Variants in VEPH1 observed in about 807,000 individuals in gnomAD.
VEPH1 encodes ventricular zone expressed PH domain containing 1.
Under a neutral mutation model 85.2 loss-of-function variants are expected in VEPH1, and 80 were observed. The ratio of observed to expected loss-of-function variants is 0.94; its 90% CI spans 0.78 to 1.13. The LOEUF is 1.13. Ranked by LOEUF, VEPH1 falls within the 50% of genes most tolerant of loss-of-function variation. VEPH1 has a pLI of 0.00. For synonymous variants in VEPH1, 297 were observed against 348.0 expected (o/e 0.85, Z 1.63); for missense variants, 955 against 980.5 (o/e 0.97, Z 0.35).
intron 13 of VEPH1, among the ~76,000 whole-genome samples, chr3:157,264,306 T>C (rs1268077732): frequency 1.3e-5 from 2 of 151,928 alleles, no homozygotes; most frequent in Non-Finnish European, 2.9e-5. Context: ...AGTTATATCA[T>C]TGACTCCCTT....
At chr3:157,312,566 G>A (rs1311432717) in intron 11 of VEPH1, among the ~76,000 whole-genome samples, 1 of 152,152 alleles carries the variant, frequency 6.6e-6, no homozygotes, top group African/African-American at 2.4e-5. Flanking sequence ...TGCTCCATCA[G>A]ATTATTTTGT....
At chr3:157,353,695 T>C (rs1011505483) in intron 9 of VEPH1, among the ~76,000 whole-genome samples, 1 of 152,228 alleles carries the variant, frequency 6.6e-6, no homozygotes, top group African/African-American at 2.4e-5. Flanking sequence ...TGGGTTTTCT[T>C]GGCTGGCTCT....
intron 2 of VEPH1, chr3:157,489,193 C>T: frequency 2.2e-6 from 1 of 456,406 alleles, no homozygotes; most frequent in South Asian, 1.5e-5. Context: ...AAAATTAGAC[C>T]ATGTTACTTC....
intron 9 of VEPH1, among the ~76,000 whole-genome samples, chr3:157,318,646 A>C (rs76837793): frequency 8.3e-6 from 1 of 120,644 alleles, no homozygotes; most frequent in East Asian, 2.3e-4. Context: ...GAAAGAAAGA[A>C]AGAAAGAATG....
intron 9 of VEPH1, among the ~76,000 whole-genome samples, chr3:157,353,986 C>T (rs532559390): frequency 1.3e-5 from 2 of 152,282 alleles, no homozygotes; most frequent in African/African-American, 4.8e-5. Flanking sequence ...CTGTTTGAAA[C>T]TACAATAACG....
At chr3:157,407,476 T>C (rs930077541) in intron 6 of VEPH1, among the ~76,000 whole-genome samples, 2 of 152,150 alleles carry the variant, frequency 1.3e-5, no homozygotes, top group African/African-American at 4.8e-5. Context: ...CAGATATACA[T>C]TCCACCCCGA....
At chr3:157,353,801 A>G (rs574250994) in intron 9 of VEPH1, among the ~76,000 whole-genome samples, 18 of 152,236 alleles carry the variant, frequency 1.2e-4, no homozygotes, top group Middle Eastern at 3.4e-3. Flanking sequence ...TTTTCCCACT[A>G]GAACAGCCTC....
intron 3 of VEPH1, among the ~76,000 whole-genome samples, chr3:157,462,330 C>T (rs1735955349): frequency 6.6e-6 from 1 of 152,038 alleles, no homozygotes; most frequent in Admixed American, 6.6e-5. Context: ...TATATAATTA[C>T]AGATTTTAGC....
At chr3:157,501,033 G>A (rs1347174687) in intron 1 of VEPH1, among the ~76,000 whole-genome samples, 1 of 152,172 alleles carries the variant, frequency 6.6e-6, no homozygotes. Flanking sequence ...ATCCTTAAGA[G>A]TACTATTATT....
At chr3:157,377,315 A>G (rs1728238024) in intron 7 of VEPH1, among the ~76,000 whole-genome samples, 1 of 151,520 alleles carries the variant, frequency 6.6e-6, no homozygotes, top group Admixed American at 6.6e-5. Context: ...CTCTCACCTC[A>G]GAAAAATACT....
intron 9 of VEPH1, among the ~76,000 whole-genome samples, chr3:157,343,863 C>G (rs1486322775): frequency 6.6e-6 from 1 of 152,156 alleles, no homozygotes. Context: ...GGATGCAAGG[C>G]TGATTCAACA....
At chr3:157,329,403 A>G (rs1225564338) in intron 9 of VEPH1, among the ~76,000 whole-genome samples, 3 of 152,206 alleles carry the variant, frequency 2.0e-5, no homozygotes, top group Admixed American at 1.3e-4. Context: ...TAGCCATGGA[A>G]ACCAGAACAT....
chr3:157,318,695 T>A (rs532600125), intron 9 of VEPH1, among the ~76,000 whole-genome samples: 1 of 151,186 alleles, frequency 6.6e-6, no homozygotes, highest in East Asian at 1.9e-4. Context: ...AATTAATAGA[T>A]TCAGTGATCC....
At chr3:157,286,821 C>T in intron 11 of VEPH1, 147 bp from the exon 12 acceptor site, 1 of 654,566 alleles carries the variant, frequency 1.5e-6, no homozygotes, top group South Asian at 1.9e-5. Flanking sequence ...AAAAATTTCT[C>T]TTGGCCAACC....
At chr3:157,383,692 G>A (rs1185052805) in intron 6 of VEPH1, among the ~76,000 whole-genome samples, 1 of 152,190 alleles carries the variant, frequency 6.6e-6, no homozygotes, top group African/African-American at 2.4e-5. Context: ...GTATGGGTAT[G>A]TGAGACAGAG....
chr3:157,458,790 T>C (rs982875700), intron 4 of VEPH1, among the ~76,000 whole-genome samples: 2 of 152,236 alleles, frequency 1.3e-5, no homozygotes, highest in African/African-American at 4.8e-5. Context: ...CATTTTGAGT[T>C]AATTTTTGTA....
At chr3:157,303,933 A>G (rs1719123031) in intron 11 of VEPH1, among the ~76,000 whole-genome samples, 1 of 150,734 alleles carries the variant, frequency 6.6e-6, no homozygotes, top group African/African-American at 2.4e-5. Flanking sequence ...TCTTGAACAT[A>G]TATTCATACG....
chr3:157,424,333 G>C (rs1732591961), intron 5 of VEPH1, among the ~76,000 whole-genome samples: 2 of 152,088 alleles, frequency 1.3e-5, no homozygotes, highest in African/African-American at 4.8e-5. Context: ...CCCAGTCTTG[G>C]GTATGTCTTT....
chr3:157,493,801 AAAAT>A (rs528267555), intron 2 of VEPH1, among the ~76,000 whole-genome samples: 42 of 152,332 alleles, frequency 2.8e-4, no homozygotes, highest in African/African-American at 9.6e-4. Context: ...TGATGCAAAC[AAAAT>A]AAATAACTGG....
Sources: gnomAD v4.1 joint callset for allele counts (sites outside exome capture counted in the v4.1 genomes callset) on GRCh38, gnomAD v4.1.1 for gene constraint, MANE v1.5 for transcripts, NCBI Gene and HGNC (gene_info 2026-07-23, HGNC 2026-07-21) for gene names.